Variants in DLGAP2 observed in about 807,000 individuals in gnomAD.
DLGAP2 encodes the protein disks large-associated protein 2.
In DLGAP2, 26 loss-of-function variants were observed where a neutral mutation model predicts 100.3. That is an observed-to-expected ratio of 0.26 (90% CI 0.19 to 0.36). DLGAP2 has a LOEUF of 0.36. DLGAP2 is among the 10% of genes least tolerant of loss of function. DLGAP2 has a pLI of 1.00. For missense variants in DLGAP2, 1,858 were observed against 1,453.2 expected, an observed-to-expected ratio of 1.28 and a Z score of -4.53; for synonymous variants, 886 against 630.1, an observed-to-expected ratio of 1.41 and a Z score of -6.08.
intron 8 of DLGAP2, among the ~76,000 whole-genome samples, chr8:1,649,498 AC>A (rs1798116146): frequency 6.6e-6 from 1 of 152,194 alleles, no homozygotes; most frequent in Non-Finnish European, 1.5e-5. Context: ...TAATCTTTGA[AC>A]CCTTTTTCAA....
In DLGAP2 at chr8:1,512,851, G is replaced by A. The variant is rs374788312; in HGVS notation, c.172+11420G>A. 3.0e-4 allele frequency among the ~76,000 whole-genome samples: 46 copies of A among 152,310 alleles called. No homozygotes were observed. The East Asian group carries it at 6.4e-3, about 21-fold the overall frequency. ...ACTCTAGGTTTCTAATTTGTCTTCCGAATGACCCTGATCCTGGAAAGTGAG... is the reference window on the plus strand; with the variant it reads ...ACTCTAGGTTTCTAATTTGTCTTCCAAATGACCCTGATCCTGGAAAGTGAG... On this transcript the variant is annotated intron_variant, in intron 4 of 14. Coordinates refer to ENST00000637795, the MANE Select transcript of DLGAP2 (RefSeq NM_001346810.2).
chr8:1,540,102 G>T (rs1273213557), intron 4 of DLGAP2, among the ~76,000 whole-genome samples: 1 of 152,186 alleles, frequency 6.6e-6, no homozygotes, highest in Non-Finnish European at 1.5e-5. Flanking sequence ...CCAACTCAGA[G>T]CTGTGGACGC....
chr8:1,294,134 A>G (rs952058279), intron 3 of DLGAP2, among the ~76,000 whole-genome samples: 3 of 151,724 alleles, frequency 2.0e-5, no homozygotes, highest in Non-Finnish European at 4.4e-5. Flanking sequence ...CAGACACATC[A>G]CCTCCCGAAA....
intron 6 of DLGAP2, among the ~76,000 whole-genome samples, chr8:1,567,248 C>G (rs1278324459): frequency 6.6e-6 from 1 of 152,216 alleles, no homozygotes. Flanking sequence ...TCTCACCCAC[C>G]TTTTATTTGG....
At chr8:1,282,916 C>T (rs553675400) in intron 3 of DLGAP2, among the ~76,000 whole-genome samples, 1 of 136,000 alleles carries the variant, frequency 7.4e-6, no homozygotes, top group Non-Finnish European at 1.6e-5. Flanking sequence ...GAACCCAGCA[C>T]GTGAACCATC....
At chr8:1,040,763 A>C (rs965810703) in intron 2 of DLGAP2, among the ~76,000 whole-genome samples, 1 of 152,066 alleles carries the variant, frequency 6.6e-6, no homozygotes, top group African/African-American at 2.4e-5. Context: ...ATGAGGGGAC[A>C]TGATGCTTTG....
At chr8:1,334,120 A>C (rs185216256) in intron 3 of DLGAP2, among the ~76,000 whole-genome samples, 2 of 152,332 alleles carry the variant, frequency 1.3e-5, no homozygotes, top group African/African-American at 4.8e-5. Context: ...AGTGACACAC[A>C]GTGATGCCAG....
intron 1 of DLGAP2, among the ~76,000 whole-genome samples, chr8:748,647 C>G (rs1297449835): frequency 6.6e-6 from 1 of 152,214 alleles, no homozygotes; most frequent in African/African-American, 2.4e-5. Flanking sequence ...ACATCCAGCC[C>G]TGCGGTGCTG....
chr8:1,598,313 G>A (rs936085298), intron 6 of DLGAP2, among the ~76,000 whole-genome samples: 1 of 152,180 alleles, frequency 6.6e-6, no homozygotes, highest in African/African-American at 2.4e-5. Context: ...AGGGATATAG[G>A]CCTGAAGTTT....
chr8:1,646,576 C>T (rs972163388), intron 8 of DLGAP2, among the ~76,000 whole-genome samples: 2 of 152,186 alleles, frequency 1.3e-5, no homozygotes, highest in African/African-American at 4.8e-5. Context: ...GAATTCTCAC[C>T]ATCAGCTCTT....
At chr8:851,485 A>G in intron 1 of DLGAP2, among the ~76,000 whole-genome samples, 1 of 152,212 alleles carries the variant, frequency 6.6e-6, no homozygotes, top group East Asian at 1.9e-4. Flanking sequence ...GTTAATAGGA[A>G]GCACCTATGT....
At chr8:899,873 T>C (rs982543504) in intron 1 of DLGAP2, among the ~76,000 whole-genome samples, 4 of 152,164 alleles carry the variant, frequency 2.6e-5, no homozygotes, top group Non-Finnish European at 5.9e-5. Context: ...CACTTATTTG[T>C]TATGTGAACT....
chr8:791,135 A>C (rs961489395), intron 1 of DLGAP2, among the ~76,000 whole-genome samples: 2 of 152,254 alleles, frequency 1.3e-5, no homozygotes, highest in African/African-American at 4.8e-5. Flanking sequence ...AATTTTAAAA[A>C]TAATGCAAGC....
In DLGAP2 at chr8:1,705,038, CT is replaced by C. The variant is rs1384757032; in HGVS notation, c.*3634del. The C allele has an allele frequency of 4.6e-5, 7 of 152,234 alleles. No homozygotes were observed. Among genetic ancestry groups the C allele is most frequent in the Non-Finnish European group, 7.3e-5 (5 of 68,040 alleles). 9.4% of individuals were successfully genotyped at this position (152,234 alleles called of 1,614,324 possible). On this transcript the variant is annotated 3_prime_UTR_variant, in exon 15 of 15. Coordinates refer to ENST00000637795, the MANE Select transcript of DLGAP2 (RefSeq NM_001346810.2). ...CGCGCATCTCTGTTTTTGTTAGATC[CT>C]TGTAAGCATCGCTACCCGAGTCCAG... is the stretch of plus-strand genomic sequence containing the variant.
intron 8 of DLGAP2, among the ~76,000 whole-genome samples, chr8:1,646,884 C>G (rs548564664): frequency 6.6e-6 from 1 of 152,184 alleles, no homozygotes; most frequent in Non-Finnish European, 1.5e-5. Flanking sequence ...AAACTTTTGT[C>G]CCTTCTTCTA....
chr8:1,680,239 G>A (rs967057948), intron 12 of DLGAP2, among the ~76,000 whole-genome samples: 6 of 152,130 alleles, frequency 3.9e-5, no homozygotes, highest in African/African-American at 1.2e-4. Context: ...TATAAATGCT[G>A]AACTTCAAAA....
chr8:1,347,980 T>A (rs1171131391), intron 3 of DLGAP2, among the ~76,000 whole-genome samples: 2 of 151,150 alleles, frequency 1.3e-5, no homozygotes, highest in East Asian at 1.9e-4. Flanking sequence ...ATGGTAGCTG[T>A]GTGGAGGTTG....
At chr8:1,555,497 G>T (rs1374727731) in intron 5 of DLGAP2, among the ~76,000 whole-genome samples, 3 of 152,198 alleles carry the variant, frequency 2.0e-5, no homozygotes, top group Non-Finnish European at 2.9e-5. Flanking sequence ...GACTGCCACA[G>T]AATCCTCTCC....
intron 1 of DLGAP2, among the ~76,000 whole-genome samples, chr8:892,044 G>A (rs1473751469): frequency 4.6e-5 from 7 of 152,218 alleles, no homozygotes; most frequent in Non-Finnish European, 1.0e-4. Context: ...TGTCAAAACC[G>A]CAGATAATAG....
Sources: allele counts gnomAD v4.1 joint callset (sites outside exome capture counted in the v4.1 genomes callset), GRCh38; gene constraint gnomAD v4.1.1; transcripts MANE v1.5; gene names NCBI Gene and HGNC (gene_info 2026-07-23, HGNC 2026-07-21).